Variants in DOCK5 observed in about 807,000 individuals in gnomAD.
DOCK5 encodes the protein dedicator of cytokinesis protein 5.
A neutral mutation model predicts 251.8 loss-of-function variants in DOCK5; 142 were observed. The ratio of observed to expected loss-of-function variants is 0.56; its 90% CI spans 0.49 to 0.65. The LOEUF (loss-of-function observed/expected upper bound fraction) is 0.65, where lower values mean the gene tolerates loss of function less well. Ranked by LOEUF, DOCK5 falls within the 30% of genes least tolerant of loss-of-function variation. DOCK5 has a pLI of 0.00. For missense variants in DOCK5, 2,111 were observed against 2,312.3 expected, an observed-to-expected ratio of 0.91 and a Z score of 1.79; for synonymous variants, 842 against 835.5, an observed-to-expected ratio of 1.01 and a Z score of -0.13.
intron 1 of DOCK5, among the ~76,000 whole-genome samples, chr8:25,188,397 A>G (rs6997760): frequency 0.61 from 93,171 of 152,154 alleles, 31,557 homozygotes; most frequent in Non-Finnish European, 0.76. Flanking sequence ...ATGTTGAAGC[A>G]TTTGGATGAC....
intron 18 of DOCK5, among the ~76,000 whole-genome samples, chr8:25,327,941 C>T (rs1805601178): frequency 6.6e-6 from 1 of 151,556 alleles, no homozygotes; most frequent in Non-Finnish European, 1.5e-5. Context: ...CTTGATTTAC[C>T]CTTCTACCGT....
intron 18 of DOCK5, 66 bp from the exon 19 acceptor site, chr8:25,332,184 TA>T: frequency 8.2e-7 from 1 of 1,216,926 alleles, no homozygotes; most frequent in South Asian, 1.3e-5. Context: ...GAGAATTCTT[TA>T]GCTATGTCCT....
At position 25,360,825 on chromosome 8, in the gene DOCK5, A is replaced by G. The variant is rs555996479; in HGVS notation, c.2949+1764A>G. On this transcript the variant is annotated intron_variant, in intron 28 of 51. Coordinates refer to ENST00000276440, the MANE Select transcript of DOCK5 (RefSeq NM_024940.8). ...CCTTCAGAGAGCAGGCAAAATAGGG[A>G]GGTTTTAAGGTCAAACCGTGACAAT... Among the ~76,000 whole-genome samples, 3 of 152,300 alleles carry G rather than the reference A, an allele frequency of 2.0e-5. No homozygotes were observed. In the South Asian group the frequency reaches 6.2e-4, roughly 32 times the overall value.
At chr8:25,267,854 A>G (rs557419775) in intron 2 of DOCK5, among the ~76,000 whole-genome samples, 3 of 151,654 alleles carry the variant, frequency 2.0e-5, no homozygotes, top group African/African-American at 7.3e-5. Flanking sequence ...AGGGGTGTGT[A>G]CCTTTATTGG....
chr8:25,299,914 A>C (rs1207630518), intron 8 of DOCK5, among the ~76,000 whole-genome samples: 3 of 152,210 alleles, frequency 2.0e-5, no homozygotes, highest in African/African-American at 7.2e-5. Flanking sequence ...AATGACTGTT[A>C]TAAAATTAAA....
At chr8:25,373,520 G>A in intron 35 of DOCK5, 98 bp from the exon 36 acceptor site, 1 of 1,165,666 alleles carries the variant, frequency 8.6e-7, no homozygotes, top group Non-Finnish European at 1.2e-6. Context: ...CTTTGGAAAA[G>A]TGAAACTTTT....
intron 1 of DOCK5, among the ~76,000 whole-genome samples, chr8:25,228,650 C>T (rs528803820): frequency 4.6e-5 from 7 of 152,268 alleles, no homozygotes; most frequent in East Asian, 1.9e-4. Context: ...CATGCGTTGC[C>T]GTGGCAGTGG....
intron 1 of DOCK5, among the ~76,000 whole-genome samples, chr8:25,190,024 T>C (rs1229306413): frequency 6.6e-6 from 1 of 152,122 alleles, no homozygotes; most frequent in Non-Finnish European, 1.5e-5. Context: ...GTAGCTGAGA[T>C]TACAGGCGCA....
chr8:25,241,473 G>A (rs569188969), intron 1 of DOCK5, among the ~76,000 whole-genome samples: 3 of 150,756 alleles, frequency 2.0e-5, no homozygotes, highest in Non-Finnish European at 3.0e-5. Context: ...GCAAGACTCC[G>A]TCTCAAAAAA....
chr8:25,242,605 TC>T (rs1802983944), intron 1 of DOCK5, among the ~76,000 whole-genome samples: 2 of 152,262 alleles, frequency 1.3e-5, no homozygotes, highest in Non-Finnish European at 2.9e-5. Flanking sequence ...TGTTAGCTAT[TC>T]ATACATAATT....
Position 25,410,073 on chromosome 8 carries a change from C to T in DOCK5, c.5405-26C>T, listed in dbSNP as rs747060682. ...CTTCCTTGCTCAGTGCCTCTCTCTG[C>T]CGCCTGCACTTTCTGTCATTTCTAG... On this transcript the variant is annotated intron_variant, in intron 50 of 51. Transcript: ENST00000276440. 3.1e-6 allele frequency: 5 copies of T among 1,590,364 alleles called. No homozygotes were observed. The East Asian group carries it at 6.8e-5, about 22-fold the overall frequency.
chr8:25,352,896 A>G (rs1157157831), intron 27 of DOCK5, among the ~76,000 whole-genome samples: 1 of 152,084 alleles, frequency 6.6e-6, no homozygotes, highest in African/African-American at 2.4e-5. Context: ...GATGATTAGG[A>G]ATTTTACCAG....
intron 22 of DOCK5, among the ~76,000 whole-genome samples, chr8:25,339,496 C>T (rs1805897315): frequency 1.3e-5 from 2 of 152,046 alleles, no homozygotes; most frequent in Admixed American, 6.5e-5. Context: ...TAAATGAAGG[C>T]AGTGTTGGAG....
intron 2 of DOCK5, among the ~76,000 whole-genome samples, chr8:25,258,915 TTAAGA>T (rs1448758250): frequency 6.6e-6 from 1 of 152,098 alleles, no homozygotes; most frequent in African/African-American, 2.4e-5. Context: ...GGTCAAGAGT[TTAAGA>T]CCAGCCTGGC....
chr8:25,275,771 G>A (rs775646685), intron 4 of DOCK5, among the ~76,000 whole-genome samples: 9 of 152,136 alleles, frequency 5.9e-5, no homozygotes, highest in Non-Finnish European at 1.3e-4. Context: ...AGGAGGCAGA[G>A]CTCGCAGTGA....
chr8:25,360,920 C>T (rs1003328896), intron 28 of DOCK5, among the ~76,000 whole-genome samples: 1 of 151,970 alleles, frequency 6.6e-6, no homozygotes, highest in African/African-American at 2.4e-5. Flanking sequence ...TGAGCTCCTC[C>T]AGCTGTATTA....
chr8:25,386,445 A>T (rs1042741097), intron 40 of DOCK5, among the ~76,000 whole-genome samples: 6 of 152,128 alleles, frequency 3.9e-5, no homozygotes, highest in East Asian at 1.9e-4. Flanking sequence ...AAAATTTTTT[A>T]AAAATTAGCC....
At chr8:25,342,701 T>G (rs1010525752) in intron 25 of DOCK5, among the ~76,000 whole-genome samples, 194 bp downstream of exon 25, 6 of 111,330 alleles carry the variant, frequency 5.4e-5, no homozygotes, top group Admixed American at 4.1e-4. Flanking sequence ...GTTTTTTTTT[T>G]TTTTTTTTTT....
chr8:25,216,061 AAT>A (rs1246073619), intron 1 of DOCK5, among the ~76,000 whole-genome samples: 12 of 151,826 alleles, frequency 7.9e-5, no homozygotes, highest in South Asian at 2.1e-4. Flanking sequence ...ATATGTATAC[AAT>A]ATGTCTATAC....
Sources: allele counts gnomAD v4.1 joint callset (sites outside exome capture counted in the v4.1 genomes callset), GRCh38; gene constraint gnomAD v4.1.1; transcripts MANE v1.5; gene names NCBI Gene and HGNC (gene_info 2026-07-23, HGNC 2026-07-21).